RBM25: variants seen among roughly 807,000 people sequenced by gnomAD.
The protein encoded by RBM25 is RNA binding motif protein 25, also known as RNA-binding protein 25.
In RBM25, 19 loss-of-function variants were observed where a neutral mutation model predicts 120.7. The ratio of observed to expected loss-of-function variants is 0.16; its 90% CI spans 0.11 to 0.23. The LOEUF (loss-of-function observed/expected upper bound fraction) is 0.23. RBM25 is among the 10% of genes least tolerant of loss of function. The probability of loss-of-function intolerance (pLI) is 1.00; values close to 1 mark genes in which losing one functional copy is unlikely to be tolerated. For synonymous variants in RBM25, 390 were observed against 326.7 expected (o/e 1.19, Z -2.09); for missense variants, 605 against 1,041.5 (o/e 0.58, Z 5.77).
At chr14:73,088,260 C>T in intron 6 of RBM25, 99 bp downstream of exon 6, 2 of 1,436,974 alleles carry the variant, frequency 1.4e-6, no homozygotes, top group Non-Finnish European at 2.0e-6. Context: ...TTCAAAAGAT[C>T]ATCATGTATG....
Position 73,122,225 on chromosome 14 carries a change from A to G in RBM25, c.*2420A>G, listed in dbSNP as rs958323610. 1 of 150,554 alleles carries G rather than the reference A, an allele frequency of 6.6e-6. No individual in the cohort carries two copies. Among genetic ancestry groups the G allele is most frequent in the African/African-American group, 2.4e-5 (1 of 41,032 alleles). The allele number at this position is 150,554 out of a possible 1,614,324, so 9.3% of individuals were successfully genotyped here. ...TTATACAGTATGAATTCATTTTGCC[A>G]TTTCAAGTTGTTATATAAAGAGCAT... is the stretch of plus-strand genomic sequence containing the variant. On this transcript the variant is annotated 3_prime_UTR_variant, in exon 19 of 19. Coordinates refer to ENST00000261973, the MANE Select transcript of RBM25 (RefSeq NM_021239.3).
intron 4 of RBM25, among the ~76,000 whole-genome samples, chr14:73,082,620 C>T (rs568957748): frequency 2.0e-5 from 3 of 152,252 alleles, no homozygotes; most frequent in East Asian, 1.9e-4. Flanking sequence ...AGTGTCCTAC[C>T]GTTCAGATAA....
chr14:73,084,853 AT>A (rs146980815), intron 5 of RBM25, among the ~76,000 whole-genome samples: 162 of 142,370 alleles, frequency 1.1e-3, no homozygotes, highest in African/African-American at 3.2e-3. Context: ...CCTGGCCGCT[AT>A]TTTTTTTTTT....
At chr14:73,082,932 T>C (rs1413948613) in intron 4 of RBM25, among the ~76,000 whole-genome samples, 1 of 151,578 alleles carries the variant, frequency 6.6e-6, no homozygotes, top group East Asian at 1.9e-4. Context: ...AAAAAACAAT[T>C]ATCCAGGCGT....
At chr14:73,061,334 C>T (rs996505811) in intron 1 of RBM25, among the ~76,000 whole-genome samples, 2 of 151,264 alleles carry the variant, frequency 1.3e-5, no homozygotes, top group Non-Finnish European at 3.0e-5. Context: ...GTTGGGATTG[C>T]GTGAGCCACC....
chr14:73,109,709 C>T (rs1242734987), intron 14 of RBM25, among the ~76,000 whole-genome samples: 4 of 151,904 alleles, frequency 2.6e-5, no homozygotes, highest in African/African-American at 9.7e-5. Context: ...AGGAGAATGG[C>T]GTGAACCCGG....
chr14:73,059,475 G>A (rs535573565), intron 1 of RBM25: 1 of 152,262 alleles, frequency 6.6e-6, no homozygotes, highest in South Asian at 2.1e-4. Context: ...ATAGACGTAG[G>A]ACTATGAAGA....
chr14:73,061,463 A>T (rs1895004846), intron 1 of RBM25, among the ~76,000 whole-genome samples: 1 of 151,434 alleles, frequency 6.6e-6, no homozygotes, highest in Non-Finnish European at 1.5e-5. Flanking sequence ...TTATGCATCC[A>T]TTACCCCAAA....
chr14:73,103,934 TCTCTCTCTCTCTCTCACACACACA>T (rs1238586439), intron 10 of RBM25, among the ~76,000 whole-genome samples: 1,249 of 58,368 alleles, frequency 0.021, 5 homozygotes, highest in African/African-American at 0.043. Flanking sequence ...TCTCTCTCTC[TCTCTCTCTCTCTCTCACACACACA>T]CACACACACA....
rs758413055 is a variant in RBM25, at chr14:73,099,718, C to T, written c.835C>T (p.Arg279Ter). 6.2e-7 allele frequency: 1 copy of T among 1,609,330 alleles called. No homozygotes were observed. Among genetic ancestry groups the T allele is most frequent in the East Asian group, 2.2e-5 (1 of 44,696 alleles). ...AGAAGACAAAAGAGACCTGATATCTCGAGAGATCAGCAAATTCAGAGACAC... is the reference window on the plus strand; with the variant it reads ...AGAAGACAAAAGAGACCTGATATCTTGAGAGATCAGCAAATTCAGAGACAC... ...MEEDKRDLIS[R>*]EISKFRDTHK... is the part of the protein sequence containing the mutation. The change falls in exon 9 of 19, where the codon CGA (arginine) becomes TGA (stop). Residue 279 changes from arginine to a stop codon, truncating the protein, a stop_gained. Coordinates refer to ENST00000261973, the MANE Select transcript of RBM25 (RefSeq NM_021239.3). LOFTEE classifies it high-confidence loss of function.
intron 1 of RBM25, chr14:73,068,666 G>A (rs1190962603): frequency 1.1e-5 from 4 of 355,210 alleles, no homozygotes; most frequent in Non-Finnish European, 2.2e-5. Flanking sequence ...CGCCAGGGAC[G>A]CACGCTTCCT....
intron 9 of RBM25, chr14:73,101,788 A>T (rs1447740430): frequency 6.6e-6 from 1 of 152,176 alleles, no homozygotes; most frequent in Non-Finnish European, 1.5e-5. Context: ...TATGCCATTG[A>T]GGTAAGTTTT....
At chr14:73,095,183 C>A (rs1262341187) in intron 6 of RBM25, among the ~76,000 whole-genome samples, 1 of 151,986 alleles carries the variant, frequency 6.6e-6, no homozygotes, top group Non-Finnish European at 1.5e-5. Flanking sequence ...ACATGTAATG[C>A]CTTATATTTA....
intron 10 of RBM25, among the ~76,000 whole-genome samples, chr14:73,103,948 T>TCTCTCTCTCACACACA (rs1594928335): frequency 7.2e-4 from 66 of 91,372 alleles, no homozygotes; most frequent in Non-Finnish European, 1.3e-3. Context: ...TCTCTCTCTC[T>TCTCTCTCTCACACACA]CACACACACA....
At chr14:73,077,038 G>C (rs1216330396) in intron 3 of RBM25, among the ~76,000 whole-genome samples, 1 of 152,232 alleles carries the variant, frequency 6.6e-6, no homozygotes, top group Non-Finnish European at 1.5e-5. Flanking sequence ...CCGAGATTAT[G>C]CCACTGCACT....
At chr14:73,112,766 G>GT in intron 17 of RBM25, among the ~76,000 whole-genome samples, 1 of 151,774 alleles carries the variant, frequency 6.6e-6, no homozygotes, top group Non-Finnish European at 1.5e-5. Context: ...TATTGTGTTA[G>GT]TTTTGTTTGT....
At position 73,111,628 on chromosome 14, in the gene RBM25, A is replaced by G. The variant is rs1896311181; in HGVS notation, c.2118A>G (p.Val706=). 1 of 1,614,166 alleles carries G rather than the reference A, an allele frequency of 6.2e-7. No individual in the cohort carries two copies. Among genetic ancestry groups the G allele is most frequent in the African/African-American group, 1.3e-5 (1 of 75,072 alleles). ...TTGAGGATGAAGACAGTGATGACGT[A>G]CCCCGAAAAAGGAAACTGGTTCCCT... ...NKFEDEDSDD[V]PRKRKLVPLD... The change falls in exon 16 of 19, where the codon GTA becomes GTG. Residue 706 remains valine, a synonymous_variant. Coordinates refer to ENST00000261973, the MANE Select transcript of RBM25 (RefSeq NM_021239.3).
Position 73,119,892 on chromosome 14 carries a change from T to C in RBM25, c.*87T>C, listed in dbSNP as rs568304187. 2 of 1,503,446 alleles carry C rather than the reference T, an allele frequency of 1.3e-6. No homozygotes were observed. Among genetic ancestry groups the C allele is most frequent in the African/African-American group, 1.4e-5 (1 of 70,368 alleles). 93.1% of individuals were successfully genotyped at this position (1,503,446 alleles called of 1,614,324 possible). A position where few individuals can be genotyped will look rare whatever the true frequency, so the allele number is the denominator to read the frequency against. ...AATTTTTCTTTGTCTTTGAAGACATTGTGAGATCTGTAATTTTTTTTTTTT... is the reference window on the plus strand; with the variant it reads ...AATTTTTCTTTGTCTTTGAAGACATCGTGAGATCTGTAATTTTTTTTTTTT... On this transcript the variant is annotated 3_prime_UTR_variant, in exon 19 of 19. Coordinates refer to ENST00000261973, the MANE Select transcript of RBM25 (RefSeq NM_021239.3).
At chr14:73,107,957 A>C (rs1373952065) in intron 13 of RBM25, 58 bp downstream of exon 13, 1 of 1,205,512 alleles carries the variant, frequency 8.3e-7, no homozygotes, top group South Asian at 1.3e-5. Context: ...GTGTTTTTCC[A>C]TCTGCACAGT....
Sources: allele counts gnomAD v4.1 joint callset (sites outside exome capture counted in the v4.1 genomes callset), GRCh38; gene constraint gnomAD v4.1.1; transcripts MANE v1.5; gene names NCBI Gene and HGNC (gene_info 2026-07-23, HGNC 2026-07-21).